The following SGCD variants were observed in gnomAD, a reference collection of about 807,000 sequenced individuals.
SGCD encodes the protein sarcoglycan delta.
SGCD carries 18 observed loss-of-function variants against 36.6 expected under a neutral mutation model. The observed-to-expected ratio is 0.49, with a 90% confidence interval of 0.34 to 0.73. The LOEUF is 0.73. SGCD is among the 30% of genes least tolerant of loss of function. SGCD has a pLI of 0.01. For missense variants in SGCD, 387 were observed against 346.7 expected, an observed-to-expected ratio of 1.12 and a Z score of -0.92; for synonymous variants, 133 against 130.6, an observed-to-expected ratio of 1.02 and a Z score of -0.12.
chr5:156,466,850 T>C (rs149406873), intron 3 of SGCD, among the ~76,000 whole-genome samples: 200 of 152,222 alleles, frequency 1.3e-3, no homozygotes, highest in Admixed American at 3.6e-3. Context: ...TTTATACCAA[T>C]GTAGTCATAA....
intron 4 of SGCD, among the ~76,000 whole-genome samples, chr5:156,546,357 A>G (rs1284883556): frequency 6.6e-6 from 1 of 152,176 alleles, no homozygotes; most frequent in Non-Finnish European, 1.5e-5. Context: ...TATGTCTCTC[A>G]TGAAGTTAAA....
chr5:156,763,392 A>AGAG lies in SGCD; in HGVS notation c.*4003_*4005dup, dbSNP rs756198330. 2.0e-5 allele frequency: 3 copies of AGAG among 152,664 alleles called. No homozygotes were observed. Among genetic ancestry groups the AGAG allele is most frequent in the Non-Finnish European group, 4.4e-5 (3 of 68,040 alleles). The allele number at this position is 152,664 out of a possible 1,614,324, so 9.5% of individuals were successfully genotyped here. ...GTTCCTACAGCCACACCAGGCTTGA[A>AGAG]GAGTTAGTGAGACCAACAAATAATT... On this transcript the variant is annotated 3_prime_UTR_variant, in exon 9 of 9. Coordinates refer to ENST00000337851, the MANE Select transcript of SGCD (RefSeq NM_000337.6).
chr5:155,862,776 G>A, the SGCD span, among the ~76,000 whole-genome samples: 3 of 152,176 alleles, frequency 2.0e-5, 1 homozygote, highest in African/African-American at 7.2e-5. Context: ...TGAAACAGAG[G>A]TTAAATAACT....
rs1561861876 is a variant in SGCD at position 156,695,508 on chromosome 5, GATGGATAGATAGATA to G, written c.575+47973_575+47987del. Among the ~76,000 whole-genome samples the G allele has an allele frequency of 7.9e-3, 1,086 of 138,290 alleles. 6 individuals are homozygous for G. The highest frequency in any genetic ancestry group is 0.024 in the African/African-American group (796 of 33,834). 90.7% of individuals were successfully genotyped at this position (138,290 alleles called of 152,430 possible). ...CGATAGATAGATAGATAGATAGATA[GATGGATAGATAGATA>G]GATAGATAGATAGATAGATAGATAG... On this transcript the variant is annotated intron_variant, in intron 7 of 8. Coordinates refer to ENST00000337851, the MANE Select transcript of SGCD (RefSeq NM_000337.6).
At chr5:156,625,771 G>A (rs896775647) in intron 6 of SGCD, among the ~76,000 whole-genome samples, 2 of 152,158 alleles carry the variant, frequency 1.3e-5, no homozygotes, top group African/African-American at 4.8e-5. Flanking sequence ...AACAAGAATA[G>A]GACATGATTG....
At chr5:155,812,616 A>C in the SGCD span, among the ~76,000 whole-genome samples, 8 of 152,228 alleles carry the variant, frequency 5.3e-5, no homozygotes, top group African/African-American at 1.9e-4. Flanking sequence ...AGAACAGGCT[A>C]TTTGAAATAT....
the SGCD span, among the ~76,000 whole-genome samples, chr5:155,801,713 G>GT: frequency 2.0e-5 from 3 of 152,192 alleles, no homozygotes; most frequent in African/African-American, 7.2e-5. Flanking sequence ...ATTAATAGCT[G>GT]TAAGTTACCA....
chr5:156,417,197 T>C (rs1001909256), intron 3 of SGCD, among the ~76,000 whole-genome samples: 4 of 152,214 alleles, frequency 2.6e-5, no homozygotes, highest in African/African-American at 7.2e-5. Flanking sequence ...TTTCATCTCA[T>C]TCCCCAAGGA....
At chr5:155,728,012 C>A in the SGCD span, among the ~76,000 whole-genome samples, 7 of 152,162 alleles carry the variant, frequency 4.6e-5, no homozygotes. Context: ...CCCCCCACCC[C>A]GCCCGCGTTT....
chr5:155,804,164 A>T, the SGCD span, among the ~76,000 whole-genome samples: 1 of 152,218 alleles, frequency 6.6e-6, no homozygotes, highest in African/African-American at 2.4e-5. Flanking sequence ...TTTGATAATT[A>T]TGAAAATACC....
chr5:156,361,621 G>T (rs1373900101), intron 3 of SGCD, among the ~76,000 whole-genome samples: 2 of 152,196 alleles, frequency 1.3e-5, no homozygotes, highest in Non-Finnish European at 2.9e-5. Context: ...TCAGCACAGA[G>T]TCATAAGCTC....
chr5:156,379,925 A>G (rs1770886312), intron 3 of SGCD, among the ~76,000 whole-genome samples: 1 of 152,186 alleles, frequency 6.6e-6, no homozygotes, highest in Non-Finnish European at 1.5e-5. Flanking sequence ...TTTGACTGCA[A>G]ATGAGAAATA....
At chr5:156,419,578 A>G (rs1199364137) in intron 3 of SGCD, among the ~76,000 whole-genome samples, 1 of 152,162 alleles carries the variant, frequency 6.6e-6, no homozygotes, top group Non-Finnish European at 1.5e-5. Context: ...AGAATCTGAT[A>G]AAGTTGTTCC....
chr5:156,192,929 C>T (rs755309268), intron 3 of SGCD, among the ~76,000 whole-genome samples: 3 of 136,440 alleles, frequency 2.2e-5, no homozygotes, highest in Non-Finnish European at 4.7e-5. Context: ...ATTGTAAAAG[C>T]AACAGTAGAC....
intron 3 of SGCD, among the ~76,000 whole-genome samples, chr5:156,457,261 A>C (rs938929926): frequency 6.6e-5 from 10 of 152,200 alleles, no homozygotes; most frequent in African/African-American, 2.4e-4. Flanking sequence ...TCATTCTTCA[A>C]GTTGGTCACT....
chr5:156,348,236 G>A (rs774773804), intron 3 of SGCD, among the ~76,000 whole-genome samples: 6 of 152,080 alleles, frequency 3.9e-5, no homozygotes, highest in Non-Finnish European at 7.4e-5. Context: ...AAAAATATAT[G>A]TAGGGGAAGT....
At chr5:156,119,449 G>A (rs926713761) in intron 2 of SGCD, among the ~76,000 whole-genome samples, 4 of 152,114 alleles carry the variant, frequency 2.6e-5, no homozygotes, top group Non-Finnish European at 1.5e-5. Flanking sequence ...ATATTGGGAA[G>A]CATTGTTGGC....
At chr5:155,745,163 A>G in the SGCD span, among the ~76,000 whole-genome samples, 1 of 152,244 alleles carries the variant, frequency 6.6e-6, no homozygotes, top group Non-Finnish European at 1.5e-5. Context: ...ACATTTCCAC[A>G]GAAAGAAATC....
At chr5:156,146,973 CAGAA>C (rs1295764325) in intron 3 of SGCD, among the ~76,000 whole-genome samples, 14 of 152,100 alleles carry the variant, frequency 9.2e-5, no homozygotes, top group Admixed American at 5.9e-4. Flanking sequence ...GTATAATACT[CAGAA>C]AGTAAAAACA....
Sources: allele counts gnomAD v4.1 joint callset (sites outside exome capture counted in the v4.1 genomes callset), GRCh38; gene constraint gnomAD v4.1.1; transcripts MANE v1.5; gene names NCBI Gene and HGNC (gene_info 2026-07-23, HGNC 2026-07-21).